RBM19: variants seen among roughly 807,000 people sequenced by gnomAD.
RBM19 encodes the protein probable RNA-binding protein 19.
In RBM19, 94 loss-of-function variants were observed where a neutral mutation model predicts 116.8. That is an observed-to-expected ratio of 0.80 (90% CI 0.68 to 0.95). RBM19 has a LOEUF of 0.95. Among genes scored for constraint, RBM19 ranks in the 40% least tolerant of loss-of-function variants. RBM19 has a pLI of 0.00. For missense variants in RBM19, 1,161 were observed against 1,220.7 expected (o/e 0.95, Z 0.73); for synonymous variants, 475 against 494.1 (o/e 0.96, Z 0.51).
intron 22 of RBM19, among the ~76,000 whole-genome samples, chr12:113,849,572 T>C (rs1270244688): frequency 6.6e-6 from 1 of 152,208 alleles, no homozygotes; most frequent in East Asian, 1.9e-4. Context: ...ACAAATAATC[T>C]TGGGTCTGGC....
intron 14 of RBM19, among the ~76,000 whole-genome samples, chr12:113,941,148 C>T (rs1410045319): frequency 6.6e-6 from 1 of 152,230 alleles, no homozygotes; most frequent in Non-Finnish European, 1.5e-5. Context: ...CAATTTTTCT[C>T]ATCTGCAAAA....
At chr12:113,950,624 T>C (rs1260437182) in intron 8 of RBM19, among the ~76,000 whole-genome samples, 1 of 152,010 alleles carries the variant, frequency 6.6e-6, no homozygotes. Flanking sequence ...CATGAGAGGC[T>C]CTGCTTCCTG....
intron 22 of RBM19, 83 bp from the exon 23 acceptor site, chr12:113,844,871 G>A: frequency 2.7e-6 from 4 of 1,488,000 alleles, no homozygotes; most frequent in Non-Finnish European, 3.6e-6. Flanking sequence ...CTGCCTGCCT[G>A]CGTCTCAGAT....
chr12:113,907,394 G>A (rs1481592069), intron 21 of RBM19, among the ~76,000 whole-genome samples: 3 of 152,316 alleles, frequency 2.0e-5, no homozygotes, highest in South Asian at 2.1e-4. Flanking sequence ...CTCCATCAAC[G>A]CCAGAGGAAT....
chr12:113,823,114 G>A lies in RBM19; in HGVS notation c.*110C>T, dbSNP rs1295571517. On this transcript the variant is annotated 3_prime_UTR_variant, in exon 24 of 24. Transcript: ENST00000261741. ...CCTTGGACCAGTGCAGGGTGGGGCC[G>A]CCTGCCGCTCCCCGCCCCGCCCCCC... 26 of 1,003,054 alleles carry A rather than the reference G, an allele frequency of 2.6e-5. No homozygotes were observed. The highest frequency in any genetic ancestry group is 4.8e-5 in the African/African-American group (3 of 61,930). 62.1% of individuals were successfully genotyped at this position (1,003,054 alleles called of 1,614,324 possible). A position where few individuals can be genotyped will look rare whatever the true frequency, so the allele number is the denominator to read the frequency against.
intron 2 of RBM19, among the ~76,000 whole-genome samples, chr12:113,961,576 C>CAT (rs1872504418): frequency 6.6e-6 from 1 of 152,116 alleles, no homozygotes; most frequent in Non-Finnish European, 1.5e-5. Context: ...GATCACGAGA[C>CAT]ATATATATAT....
chr12:113,944,514 A>T (rs1870851109), intron 13 of RBM19, among the ~76,000 whole-genome samples: 1 of 152,076 alleles, frequency 6.6e-6, no homozygotes, highest in South Asian at 2.1e-4. Flanking sequence ...CATATATATA[A>T]AATATACTTT....
chr12:113,842,174 CT>C (rs1343659776), intron 23 of RBM19, among the ~76,000 whole-genome samples: 1 of 152,196 alleles, frequency 6.6e-6, no homozygotes, highest in Non-Finnish European at 1.5e-5. Context: ...CCAGCTAAGT[CT>C]TTCCACTGTG....
chr12:113,949,314 C>T (rs918164704), intron 9 of RBM19, among the ~76,000 whole-genome samples: 10 of 152,200 alleles, frequency 6.6e-5, no homozygotes, highest in African/African-American at 1.7e-4. Flanking sequence ...CTCTAAACTC[C>T]GGGCTGTATT....
intron 23 of RBM19, among the ~76,000 whole-genome samples, chr12:113,833,812 T>C (rs1471952029): frequency 6.6e-6 from 1 of 152,200 alleles, no homozygotes; most frequent in Admixed American, 6.5e-5. Flanking sequence ...GGCGTAATCA[T>C]GGCTTGCTGC....
At chr12:113,883,300 G>GGCAAGAAA (rs1182276261) in intron 21 of RBM19, among the ~76,000 whole-genome samples, 2 of 152,234 alleles carry the variant, frequency 1.3e-5, no homozygotes, top group South Asian at 2.1e-4. Context: ...GGCCAGTTCT[G>GGCAAGAAA]GCAAGAAAGC....
intron 21 of RBM19, among the ~76,000 whole-genome samples, chr12:113,901,672 C>A (rs919406192): frequency 6.6e-6 from 1 of 152,012 alleles, no homozygotes; most frequent in Non-Finnish European, 1.5e-5. Context: ...CCACGCCTGG[C>A]TAATTTTTTT....
intron 22 of RBM19, among the ~76,000 whole-genome samples, chr12:113,845,799 A>G (rs1876915273): frequency 6.6e-6 from 1 of 152,230 alleles, no homozygotes; most frequent in African/African-American, 2.4e-5. Context: ...CCCACGGCAC[A>G]GAGAGGCCGT....
intron 16 of RBM19, among the ~76,000 whole-genome samples, chr12:113,930,386 G>A (rs1869501320): frequency 6.6e-6 from 1 of 152,222 alleles, no homozygotes. Context: ...GTGCTGCAAA[G>A]GGCATCTTTA....
chr12:113,844,787 C>G lies in RBM19; in HGVS notation c.2666G>C (p.Arg889Thr), dbSNP rs138017624. ...GCTGTGACACAGGGCGTTGAAGGCT[C>G]TCTGCAGAGGGACAAGAAACGAAAC... is the stretch of plus-strand genomic sequence containing the variant. Reference protein sequence around the residue: ...VDFLTKQDAKRAFNALCHSTH... With the variant: ...VDFLTKQDAKTAFNALCHSTH... Residue 889 changes from arginine to threonine, a missense_variant and splice_region_variant, in exon 23 of 24, where the codon AGA (arginine) becomes ACA (threonine). Coordinates refer to ENST00000261741, the MANE Select transcript of RBM19 (RefSeq NM_016196.4). 14 of 1,611,488 alleles carry G rather than the reference C, an allele frequency of 8.7e-6. No homozygotes were observed. Among genetic ancestry groups the G allele is most frequent in the African/African-American group, 1.3e-5 (1 of 74,990 alleles).
intron 21 of RBM19, among the ~76,000 whole-genome samples, chr12:113,863,947 C>T (rs934016880): frequency 6.6e-6 from 1 of 152,190 alleles, no homozygotes; most frequent in Non-Finnish European, 1.5e-5. Context: ...TCAGCGCTTA[C>T]GTGCCCTGCA....
rs1555234795 is a variant in RBM19, at chr12:113,879,448, T to TATATATATATATATATATATATATACAC, written c.2559-20553_2559-20552insGTGTATATATATATATATATATATATAT. 1.5e-4 allele frequency among the ~76,000 whole-genome samples: 22 copies of TATATATATATATATATATATATATACAC among 149,344 alleles called. 1 individual carries two copies. The East Asian group carries it at 4.3e-3, about 29-fold the overall frequency. On this transcript the variant is annotated intron_variant, in intron 21 of 23. Transcript: ENST00000261741. ...CATACATTTTATATATATATATATATATGGACTTTTCTTTTTTTAAGGGGA... is the reference window on the plus strand; with the variant it reads ...CATACATTTTATATATATATATATATATATATATATATATATATATATATACACATGGACTTTTCTTTTTTTAAGGGGA...
At chr12:113,827,899 C>G (rs991383639) in intron 23 of RBM19, among the ~76,000 whole-genome samples, 2 of 151,958 alleles carry the variant, frequency 1.3e-5, no homozygotes, top group African/African-American at 4.8e-5. Context: ...GAAATCTACA[C>G]GCCTAGGGTG....
At chr12:113,844,441 C>T (rs1464159805) in intron 23 of RBM19, among the ~76,000 whole-genome samples, 4 of 152,200 alleles carry the variant, frequency 2.6e-5, no homozygotes, top group African/African-American at 7.2e-5. Flanking sequence ...CCCAAAGGGG[C>T]ACAGAACCCA....
Sources: allele counts gnomAD v4.1 joint callset (sites outside exome capture counted in the v4.1 genomes callset), GRCh38; gene constraint gnomAD v4.1.1; transcripts MANE v1.5; gene names NCBI Gene and HGNC (gene_info 2026-07-23, HGNC 2026-07-21).